CCDC138: variants seen among roughly 807,000 people sequenced by gnomAD.
CCDC138 encodes the protein coiled-coil domain-containing protein 138.
A neutral mutation model predicts 82.3 loss-of-function variants in CCDC138; 66 were observed. That is an observed-to-expected ratio of 0.80 (90% CI 0.66 to 0.98). The LOEUF (loss-of-function observed/expected upper bound fraction) is 0.98. Among genes scored for constraint, CCDC138 ranks in the 50% least tolerant of loss-of-function variants. The probability of loss-of-function intolerance (pLI) is 0.00; values close to 1 mark genes in which losing one functional copy is unlikely to be tolerated. For missense variants in CCDC138, 816 were observed against 758.9 expected (o/e 1.08, Z -0.88); for synonymous variants, 297 against 265.4 (o/e 1.12, Z -1.16).
chr2:108,839,692 T>C (rs943504510), intron 11 of CCDC138, among the ~76,000 whole-genome samples: 17 of 152,256 alleles, frequency 1.1e-4, no homozygotes, highest in African/African-American at 4.1e-4. Context: ...TGATAATATA[T>C]AGAAGTAAAA....
intron 10 of CCDC138, among the ~76,000 whole-genome samples, chr2:108,838,233 T>C (rs1028277651): frequency 1.3e-5 from 2 of 152,308 alleles, no homozygotes; most frequent in East Asian, 1.9e-4. Context: ...CACTTTGCTG[T>C]ATCTAAGAAT....
intron 13 of CCDC138, among the ~76,000 whole-genome samples, chr2:108,864,508 A>C (rs1334008147): frequency 6.6e-6 from 1 of 151,974 alleles, no homozygotes; most frequent in African/African-American, 2.4e-5. Context: ...CAAAAAAATT[A>C]AAAAATTAGC....
At chr2:108,802,841 G>T (rs569752667) in intron 6 of CCDC138, among the ~76,000 whole-genome samples, 4 of 152,286 alleles carry the variant, frequency 2.6e-5, no homozygotes, top group Non-Finnish European at 4.4e-5. Context: ...CAGCATGAAG[G>T]GTTGTTGAAT....
chr2:108,832,483 G>T (rs568531491), intron 10 of CCDC138, among the ~76,000 whole-genome samples: 227 of 151,872 alleles, frequency 1.5e-3, no homozygotes, highest in African/African-American at 5.4e-3. Context: ...AAGTAGCTGG[G>T]ATTACAGGCA....
chr2:108,812,703 T>A lies in CCDC138; in HGVS notation c.928T>A (p.Leu310Ile), dbSNP rs1558656998. ...AAGAGTTCAAGCTCGTTTAGATAAT[T>A]TACAGGTAAGTTGCCTGTTCTTCTC... is the stretch of plus-strand genomic sequence containing the variant. ...AKRVQARLDN[L>I]QRKYEFMTIQ... Residue 310 changes from leucine (L) to isoleucine (I), a missense_variant, in exon 8 of 15, where the codon TTA becomes ATA. Coordinates refer to ENST00000295124, the MANE Select transcript of CCDC138 (RefSeq NM_144978.3). 1.2e-6 allele frequency: 2 copies of A among 1,608,566 alleles called. No individual in the cohort carries two copies. Among genetic ancestry groups the A allele is most frequent in the Non-Finnish European group, 1.7e-6 (2 of 1,175,058 alleles).
At chr2:108,790,650 G>A (rs567339801) in intron 3 of CCDC138, among the ~76,000 whole-genome samples, 2 of 152,290 alleles carry the variant, frequency 1.3e-5, no homozygotes, top group South Asian at 2.1e-4. Context: ...GCAGTGAGCC[G>A]AGATCGCGCC....
chr2:108,816,478 A>G (rs1184496640), intron 10 of CCDC138, among the ~76,000 whole-genome samples: 1 of 151,936 alleles, frequency 6.6e-6, no homozygotes, highest in Non-Finnish European at 1.5e-5. Context: ...AACAAATTTG[A>G]GGGGCTGCCT....
At chr2:108,875,726 A>G (rs188485265) in intron 14 of CCDC138, among the ~76,000 whole-genome samples, 3 of 152,212 alleles carry the variant, frequency 2.0e-5, no homozygotes, top group South Asian at 4.1e-4. Flanking sequence ...AGGTTTGGTG[A>G]TGTGCGCCTG....
intron 10 of CCDC138, among the ~76,000 whole-genome samples, chr2:108,829,463 AAAAT>A (rs1359761648): frequency 6.6e-6 from 1 of 151,432 alleles, no homozygotes; most frequent in African/African-American, 2.5e-5. Flanking sequence ...GTTTATTTAA[AAAAT>A]AAACATGGTG....
At chr2:108,864,132 A>G (rs890666689) in intron 13 of CCDC138, among the ~76,000 whole-genome samples, 2 of 152,116 alleles carry the variant, frequency 1.3e-5, no homozygotes, top group Non-Finnish European at 2.9e-5. Flanking sequence ...GTTATATAGC[A>G]TATTTTGAGG....
At chr2:108,799,327 G>A (rs1187537395) in intron 6 of CCDC138, among the ~76,000 whole-genome samples, 1 of 152,120 alleles carries the variant, frequency 6.6e-6, no homozygotes, top group African/African-American at 2.4e-5. Context: ...AACTTACTTG[G>A]AGTAAAATTC....
intron 10 of CCDC138, among the ~76,000 whole-genome samples, chr2:108,837,135 G>A (rs962720710): frequency 2.6e-5 from 4 of 152,080 alleles, no homozygotes; most frequent in African/African-American, 9.7e-5. Context: ...TGGAGGAAAG[G>A]CTTTCATTCT....
chr2:108,861,889 T>C (rs977832352), intron 13 of CCDC138, among the ~76,000 whole-genome samples: 1 of 152,194 alleles, frequency 6.6e-6, no homozygotes, highest in Non-Finnish European at 1.5e-5. Flanking sequence ...TTTGGTATGT[T>C]ATATCTTGAT....
intron 10 of CCDC138, among the ~76,000 whole-genome samples, chr2:108,821,348 A>T (rs1407505261): frequency 6.7e-6 from 1 of 150,200 alleles, no homozygotes; most frequent in Non-Finnish European, 1.5e-5. Context: ...ACAGGGTGAG[A>T]CTCCGTCTCA....
In CCDC138 at chr2:108,788,473, C is replaced by T. The variant is rs1403803863; in HGVS notation, c.152-379C>T. Among the ~76,000 whole-genome samples, 3 of 151,692 alleles carry T rather than the reference C, an allele frequency of 2.0e-5. No individual in the cohort carries two copies. In the East Asian group the frequency reaches 5.9e-4, roughly 30 times the overall value. ...GTGGCTCACGCCTGTAATCCCAGCACTTTGGGAGGCGAGGCGGGCGGATCA... is the reference window on the plus strand; with the variant it reads ...GTGGCTCACGCCTGTAATCCCAGCATTTTGGGAGGCGAGGCGGGCGGATCA... On this transcript the variant is annotated intron_variant, in intron 2 of 14. Coordinates refer to ENST00000295124, the MANE Select transcript of CCDC138 (RefSeq NM_144978.3).
chr2:108,843,876 G>GTGTGTGTGTGTGTGTGTGTGTGTT (rs1187530203), intron 11 of CCDC138, among the ~76,000 whole-genome samples: 8 of 13,892 alleles, frequency 5.8e-4, no homozygotes, highest in East Asian at 6.3e-3. Context: ...GTGTGTGTGT[G>GTGTGTGTGTGTGTGTGTGTGTGTT]TGTTTCTTTC....
intron 2 of CCDC138, chr2:108,884,453 A>G (rs554331132): frequency 6.6e-6 from 1 of 152,258 alleles, no homozygotes; most frequent in Non-Finnish European, 1.5e-5. Flanking sequence ...AACCTCTGAG[A>G]CAGTGAATAT....
At chr2:108,854,388 T>G (rs1168226811) in intron 12 of CCDC138, among the ~76,000 whole-genome samples, 1 of 150,184 alleles carries the variant, frequency 6.7e-6, no homozygotes, top group East Asian at 1.9e-4. Context: ...ATTTGGAAGG[T>G]CTTTTTTGTT....
intron 12 of CCDC138, 76 bp downstream of exon 12, chr2:108,847,006 C>A: frequency 1.2e-6 from 1 of 813,844 alleles, no homozygotes; most frequent in South Asian, 1.7e-5. Context: ...ATTCTTTTAT[C>A]AAATATGTTG....
Sources: allele counts gnomAD v4.1 joint callset (sites outside exome capture counted in the v4.1 genomes callset), GRCh38; gene constraint gnomAD v4.1.1; transcripts MANE v1.5; gene names NCBI Gene and HGNC (gene_info 2026-07-23, HGNC 2026-07-21).